Variants in RNF152 observed in about 807,000 individuals in gnomAD.
The protein encoded by RNF152 is ring finger protein 152, also known as E3 ubiquitin-protein ligase RNF152.
RNF152 carries 11 observed loss-of-function variants against 12.7 expected under a neutral mutation model. The observed-to-expected ratio is 0.86, with a 90% CI of 0.54 to 1.43. The LOEUF (loss-of-function observed/expected upper bound fraction) is 1.43. Among genes scored for constraint, RNF152 ranks in the 40% most tolerant of loss-of-function variants. RNF152 has a pLI of 0.00. For missense variants in RNF152, 255 were observed against 274.8 expected (o/e 0.93, Z 0.51); for synonymous variants, 113 against 120.3 (o/e 0.94, Z 0.40).
rs1394548194 is a variant in RNF152, at chr18:61,809,801, AC to A, written c.*6050del. Reference sequence around the variant, plus strand: ...AGCTAATGAGATGAGTATTTCAAGCACCACTACATCATAGGTGAGATATATA... The same window carrying A: ...AGCTAATGAGATGAGTATTTCAAGCACACTACATCATAGGTGAGATATATA... On this transcript the variant is annotated 3_prime_UTR_variant, in exon 2 of 2. Transcript: ENST00000312828. 5 of 149,672 alleles carry A rather than the reference AC, an allele frequency of 3.3e-5. No homozygotes were observed. The highest frequency in any genetic ancestry group is 5.9e-5 in the Non-Finnish European group (4 of 67,620). The allele number at this position is 149,672 out of a possible 1,614,324, so 9.3% of individuals were successfully genotyped here. A position where few individuals can be genotyped will look rare whatever the true frequency, so the allele number is the denominator to read the frequency against.
At position 61,815,783 on chromosome 18, in the gene RNF152, C is replaced by T; in HGVS notation, c.*69G>A. On this transcript the variant is annotated 3_prime_UTR_variant, in exon 2 of 2. Transcript: ENST00000312828. ...GTCAGTGTTGCCCCCCATCTTCTCA[C>T]TGGGATCTCATCATCAACCTGCTCA... 2 of 1,547,830 alleles carry T rather than the reference C, an allele frequency of 1.3e-6. No homozygotes were observed. The highest frequency in any genetic ancestry group is 1.7e-5 in the Admixed American group (1 of 57,544).
At chr18:61,816,766 G>A (rs547670699) in intron 1 of RNF152, among the ~76,000 whole-genome samples, 168 bp from the exon 2 acceptor site, 24 of 152,280 alleles carry the variant, frequency 1.6e-4, no homozygotes, top group African/African-American at 5.3e-4. Flanking sequence ...AGTGAAAGGC[G>A]AATGAAAGTT....
At chr18:61,833,047 T>C (rs970509033) in intron 1 of RNF152, among the ~76,000 whole-genome samples, 1 of 152,224 alleles carries the variant, frequency 6.6e-6, no homozygotes, top group Non-Finnish European at 1.5e-5. Context: ...AGTTAAGGGA[T>C]GGCAGCGTGC....
intron 1 of RNF152, among the ~76,000 whole-genome samples, chr18:61,883,757 G>C (rs1912568744): frequency 6.6e-6 from 1 of 152,162 alleles, no homozygotes; most frequent in Admixed American, 6.5e-5. Flanking sequence ...CAGGAGAAAG[G>C]CGACTCATCT....
chr18:61,811,926 C>A lies in RNF152; in HGVS notation c.*3926G>T, dbSNP rs1173784656. 6.6e-6 allele frequency: 1 copy of A among 152,208 alleles called. No homozygotes were observed. The highest frequency in any genetic ancestry group is 1.9e-4 in the East Asian group (1 of 5,196). The allele number at this position is 152,208 out of a possible 1,614,324, so 9.4% of individuals were successfully genotyped here. On this transcript the variant is annotated 3_prime_UTR_variant, in exon 2 of 2. Coordinates refer to ENST00000312828, the MANE Select transcript of RNF152 (RefSeq NM_173557.3). ...TTAATAAAGCATTCTTTAAGCTTCA[C>A]TGATCATTCCTTGGCCTAAAATCTA...
chr18:61,823,545 C>T (rs1909518650), intron 1 of RNF152, among the ~76,000 whole-genome samples: 1 of 152,190 alleles, frequency 6.6e-6, no homozygotes. Context: ...CTGATCTGCC[C>T]GTCTCAGCCT....
At chr18:61,844,108 A>AAG (rs772789598) in intron 1 of RNF152, among the ~76,000 whole-genome samples, 1 of 145,778 alleles carries the variant, frequency 6.9e-6, no homozygotes, top group Admixed American at 6.9e-5. Flanking sequence ...GAAAGAAAGA[A>AAG]AGAAAGAAAG....
chr18:61,866,801 C>T (rs574860933), intron 1 of RNF152, among the ~76,000 whole-genome samples: 1 of 152,334 alleles, frequency 6.6e-6, no homozygotes, highest in Non-Finnish European at 1.5e-5. Flanking sequence ...TGCCCGCTGT[C>T]CCCACCGCTG....
rs1359334793 is a variant in RNF152, at chr18:61,809,614, A to C, written c.*6238T>G. 6.6e-6 allele frequency: 1 copy of C among 152,218 alleles called. No homozygotes were observed. The highest frequency in any genetic ancestry group is 1.5e-5 in the Non-Finnish European group (1 of 68,040). 9.4% of individuals were successfully genotyped at this position (152,218 alleles called of 1,614,324 possible). ...TAAATTTGGAGCAGTGTTCTAGAACAAAGACAGCTACAGGGAAGCACTCCC... is the reference window on the plus strand; with the variant it reads ...TAAATTTGGAGCAGTGTTCTAGAACCAAGACAGCTACAGGGAAGCACTCCC... On this transcript the variant is annotated 3_prime_UTR_variant, in exon 2 of 2. Coordinates refer to ENST00000312828, the MANE Select transcript of RNF152 (RefSeq NM_173557.3).
rs1198167564 is a variant in RNF152, at chr18:61,808,685, A to C, written c.*7167T>G. 2.0e-5 allele frequency: 3 copies of C among 152,330 alleles called. No individual in the cohort carries two copies. The East Asian group carries it at 5.8e-4, about 29-fold the overall frequency. 9.4% of individuals were successfully genotyped at this position (152,330 alleles called of 1,614,324 possible). On this transcript the variant is annotated 3_prime_UTR_variant, in exon 2 of 2. Transcript: ENST00000312828. The stretch of plus-strand genomic sequence containing the variant: ...CACAAACAAGTGGTGAAATGAAAAA[A>C]TATATGACGGCAACCAGGATATATA...
intron 1 of RNF152, among the ~76,000 whole-genome samples, chr18:61,865,603 T>A (rs575502440): frequency 6.6e-6 from 1 of 152,360 alleles, no homozygotes; most frequent in South Asian, 2.1e-4. Context: ...AAGTACTAGA[T>A]AATCCCCTGC....
chr18:61,892,615 A>G (rs904254980), intron 1 of RNF152, among the ~76,000 whole-genome samples, 180 bp downstream of exon 1: 1 of 152,226 alleles, frequency 6.6e-6, no homozygotes, highest in African/African-American at 2.4e-5. Flanking sequence ...GCTTCTTCAA[A>G]GGGAAGGTAT....
chr18:61,823,460 T>A (rs145262838), intron 1 of RNF152, among the ~76,000 whole-genome samples: 14 of 138,108 alleles, frequency 1.0e-4, no homozygotes, highest in African/African-American at 3.5e-4. Flanking sequence ...CACACCCAGC[T>A]AATTTTTTTT....
At chr18:61,874,548 C>T (rs1323173167) in intron 1 of RNF152, among the ~76,000 whole-genome samples, 1 of 152,152 alleles carries the variant, frequency 6.6e-6, no homozygotes, top group Non-Finnish European at 1.5e-5. Flanking sequence ...TAACAGTTCT[C>T]ATGGTTACTT....
intron 1 of RNF152, among the ~76,000 whole-genome samples, chr18:61,856,451 A>C (rs1274990425): frequency 1.3e-5 from 2 of 152,140 alleles, no homozygotes; most frequent in Non-Finnish European, 1.5e-5. Context: ...CAGGCACAGA[A>C]AGGAAGGGAG....
At chr18:61,852,721 G>T (rs545379545) in intron 1 of RNF152, among the ~76,000 whole-genome samples, 5 of 152,252 alleles carry the variant, frequency 3.3e-5, no homozygotes, top group African/African-American at 9.6e-5. Context: ...TGGGGGTGCT[G>T]CCTGGACATC....
rs951298934 is a variant in RNF152 at position 61,811,580 on chromosome 18, A to T, written c.*4272T>A. 1 of 152,242 alleles carries T rather than the reference A, an allele frequency of 6.6e-6. No individual in the cohort carries two copies. The highest frequency in any genetic ancestry group is 6.5e-5 in the Admixed American group (1 of 15,284). 9.4% of individuals were successfully genotyped at this position (152,242 alleles called of 1,614,324 possible). Reference sequence around the variant, plus strand: ...TTGGCATCTGAAAAATGATGCCCACATATGCCCACACCAAATACAACGACA... The same window carrying T: ...TTGGCATCTGAAAAATGATGCCCACTTATGCCCACACCAAATACAACGACA... On this transcript the variant is annotated 3_prime_UTR_variant, in exon 2 of 2. Transcript: ENST00000312828.
chr18:61,890,604 G>A (rs1353944690), intron 1 of RNF152: 6 of 152,210 alleles, frequency 3.9e-5, no homozygotes, highest in Non-Finnish European at 2.9e-5. Context: ...CACCTATCTT[G>A]CTGGTACGTC....
rs578243123 is a variant in RNF152 at position 61,864,532 on chromosome 18, T to A, written c.-136+28263A>T. Among the ~76,000 whole-genome samples, 6 of 152,128 alleles carry A rather than the reference T, an allele frequency of 3.9e-5. No homozygotes were observed. The South Asian group carries it at 1.3e-3, about 32-fold the overall frequency. ...CGACCAGAACCCTGTCACTTAGGGG[T>A]TTGATGGAGGCTTCGCTGTGTAGAC... is the stretch of plus-strand genomic sequence containing the variant. On this transcript the variant is annotated intron_variant, in intron 1 of 1. Coordinates refer to ENST00000312828, the MANE Select transcript of RNF152 (RefSeq NM_173557.3).
Sources: gnomAD v4.1 joint callset for allele counts (sites outside exome capture counted in the v4.1 genomes callset) on GRCh38, gnomAD v4.1.1 for gene constraint, MANE v1.5 for transcripts, NCBI Gene and HGNC (gene_info 2026-07-23, HGNC 2026-07-21) for gene names.